The following FBXL20 variants were observed in gnomAD, a reference collection of about 807,000 sequenced individuals.
FBXL20 encodes the protein F-box/LRR-repeat protein 20.
In FBXL20, 11 loss-of-function variants were observed where a neutral mutation model predicts 64.0. That is an observed-to-expected ratio of 0.17 (90% CI 0.11 to 0.28). The LOEUF (loss-of-function observed/expected upper bound fraction) is 0.28, where lower values mean the gene tolerates loss of function less well. FBXL20 is among the 10% of genes least tolerant of loss of function. The probability of loss-of-function intolerance (pLI) is 1.00; values close to 1 mark genes in which losing one functional copy is unlikely to be tolerated. For missense variants in FBXL20, 303 were observed against 526.2 expected, an observed-to-expected ratio of 0.58 and a Z score of 4.15; for synonymous variants, 184 against 189.0, an observed-to-expected ratio of 0.97 and a Z score of 0.22.
At chr17:39,289,143 C>G (rs71369741) in intron 6 of FBXL20, among the ~76,000 whole-genome samples, 7,905 of 152,208 alleles carry the variant, frequency 0.052, 668 homozygotes, top group African/African-American at 0.18. Flanking sequence ...CAGCACATTG[C>G]CCTGATGAAC....
chr17:39,265,808 T>G (rs1366651288), intron 12 of FBXL20, among the ~76,000 whole-genome samples: 1 of 151,710 alleles, frequency 6.6e-6, no homozygotes, highest in Admixed American at 6.6e-5. Context: ...CCATGTGCGA[T>G]CACAGCTCAT....
At chr17:39,308,939 C>G (rs1388735325) in intron 2 of FBXL20, among the ~76,000 whole-genome samples, 1 of 152,116 alleles carries the variant, frequency 6.6e-6, no homozygotes, top group Admixed American at 6.6e-5. Flanking sequence ...AGCCTTGAGG[C>G]TTCTGCCTCA....
intron 2 of FBXL20, among the ~76,000 whole-genome samples, chr17:39,338,100 G>A (rs1482410404): frequency 6.6e-6 from 1 of 152,228 alleles, no homozygotes; most frequent in African/African-American, 2.4e-5. Flanking sequence ...TAGAAAGGGG[G>A]GAAAGGTGGG....
chr17:39,269,780 G>A (rs989814683), intron 11 of FBXL20, among the ~76,000 whole-genome samples: 3 of 152,186 alleles, frequency 2.0e-5, no homozygotes, highest in Non-Finnish European at 4.4e-5. Flanking sequence ...TTACAGGCAT[G>A]AGCCACCGCG....
chr17:39,285,603 A>C, intron 6 of FBXL20, 30 bp from the exon 7 acceptor site: 3 of 1,436,158 alleles, frequency 2.1e-6, no homozygotes, highest in Non-Finnish European at 2.9e-6. Context: ...GAAAATAATG[A>C]ATAAACAAGA....
intron 1 of FBXL20, among the ~76,000 whole-genome samples, chr17:39,395,914 A>G (rs936541092): frequency 2.0e-5 from 3 of 151,948 alleles, no homozygotes; most frequent in Non-Finnish European, 4.4e-5. Flanking sequence ...AGCAGAAGAG[A>G]GCGTTCCATG....
At chr17:39,363,095 G>A (rs988167235) in intron 1 of FBXL20, among the ~76,000 whole-genome samples, 1 of 151,714 alleles carries the variant, frequency 6.6e-6, no homozygotes, top group South Asian at 2.1e-4. Context: ...TCCGCCTCCT[G>A]GGTTCAAGTG....
intron 12 of FBXL20, among the ~76,000 whole-genome samples, chr17:39,267,832 A>C (rs1184547409): frequency 6.6e-6 from 1 of 152,226 alleles, no homozygotes; most frequent in Non-Finnish European, 1.5e-5. Context: ...AGGGACATAG[A>C]GGACACTCAG....
At chr17:39,288,325 T>C (rs1478120755) in intron 6 of FBXL20, among the ~76,000 whole-genome samples, 3 of 152,182 alleles carry the variant, frequency 2.0e-5, no homozygotes, top group African/African-American at 7.2e-5. Context: ...GAAATGTCTA[T>C]CCAAGACTTC....
intron 2 of FBXL20, among the ~76,000 whole-genome samples, chr17:39,337,680 G>A (rs796597803): frequency 9.9e-5 from 15 of 151,844 alleles, no homozygotes; most frequent in African/African-American, 2.2e-4. Flanking sequence ...CAACCGCCCC[G>A]TCTGAGAAGT....
chr17:39,368,529 T>C (rs1341186801), intron 1 of FBXL20, among the ~76,000 whole-genome samples: 1 of 152,180 alleles, frequency 6.6e-6, no homozygotes, highest in African/African-American at 2.4e-5. Context: ...AGTCCTGAGT[T>C]TTGTTGAGTA....
chr17:39,328,881 C>G (rs568331140), intron 2 of FBXL20, among the ~76,000 whole-genome samples: 1 of 151,988 alleles, frequency 6.6e-6, no homozygotes, highest in Non-Finnish European at 1.5e-5. Flanking sequence ...AATGAGATCC[C>G]TATCTCTACA....
chr17:39,332,537 T>A (rs2047471870), intron 2 of FBXL20, among the ~76,000 whole-genome samples: 2 of 20,416 alleles, frequency 9.8e-5, no homozygotes, highest in African/African-American at 7.4e-4. Context: ...TCTTTGTATC[T>A]TTTTTTTTTT....
chr17:39,268,769 T>G (rs1202168194), intron 12 of FBXL20, 58 bp downstream of exon 12: 1 of 1,428,370 alleles, frequency 7.0e-7, no homozygotes, highest in African/African-American at 1.4e-5. Context: ...ATTCTGATGT[T>G]GTGTATTATC....
intron 4 of FBXL20, among the ~76,000 whole-genome samples, chr17:39,300,265 T>C (rs536068259): frequency 5.3e-5 from 8 of 152,298 alleles, no homozygotes; most frequent in Admixed American, 5.2e-4. Flanking sequence ...CCTCAGGTGA[T>C]CCGCCCACCT....
Position 39,260,580 on chromosome 17 carries a change from C to G in FBXL20, c.*880G>C, listed in dbSNP as rs1057368497. On this transcript the variant is annotated 3_prime_UTR_variant, in exon 15 of 15. Coordinates refer to ENST00000264658, the MANE Select transcript of FBXL20 (RefSeq NM_032875.3). Reference sequence around the variant, plus strand: ...TTGGCAAAGATTCAGGCAGGGTCCCCTAATGGTAAAATTTAGAATTAAAAA... The same window carrying G: ...TTGGCAAAGATTCAGGCAGGGTCCCGTAATGGTAAAATTTAGAATTAAAAA... 5.7e-4 allele frequency: 87 copies of G among 152,364 alleles called. No homozygotes were observed. The highest frequency in any genetic ancestry group is 2.0e-3 in the African/African-American group (85 of 41,526). 9.4% of individuals were successfully genotyped at this position (152,364 alleles called of 1,614,324 possible). A position where few individuals can be genotyped will look rare whatever the true frequency, so the allele number is the denominator to read the frequency against.
At chr17:39,289,926 G>A (rs1287000446) in intron 6 of FBXL20, among the ~76,000 whole-genome samples, 3 of 146,744 alleles carry the variant, frequency 2.0e-5, no homozygotes, top group African/African-American at 7.6e-5. Flanking sequence ...TTGAACCTGG[G>A]AGGCAGAGGT....
At chr17:39,341,270 A>G (rs1233858185) in intron 2 of FBXL20, among the ~76,000 whole-genome samples, 2 of 152,170 alleles carry the variant, frequency 1.3e-5, no homozygotes, top group East Asian at 1.9e-4. Context: ...AAATCATGTA[A>G]TAAATGATAG....
chr17:39,265,471 T>A lies in FBXL20; in HGVS notation c.934-18A>T. Reference sequence around the variant, plus strand: ...TCTGTTATCTGAAAGAAATAACGTATGTTGATTTTAGGTATAATCCAAATA... The same window carrying A: ...TCTGTTATCTGAAAGAAATAACGTAAGTTGATTTTAGGTATAATCCAAATA... On this transcript the variant is annotated intron_variant, in intron 12 of 14. Transcript: ENST00000264658. 6.3e-7 allele frequency: 1 copy of A among 1,577,814 alleles called. No individual in the cohort carries two copies. The highest frequency in any genetic ancestry group is 8.7e-7 in the Non-Finnish European group (1 of 1,147,358).
Sources: gnomAD v4.1 joint callset for allele counts (sites outside exome capture counted in the v4.1 genomes callset) on GRCh38, gnomAD v4.1.1 for gene constraint, MANE v1.5 for transcripts, NCBI Gene and HGNC (gene_info 2026-07-23, HGNC 2026-07-21) for gene names.